Variants in NRG3 observed in about 807,000 individuals in gnomAD.
NRG3 encodes the protein pro-neuregulin-3, membrane-bound isoform.
Under a neutral mutation model 66.9 loss-of-function variants are expected in NRG3, and 31 were observed. That is an observed-to-expected ratio of 0.46 (90% CI 0.35 to 0.63). NRG3 has a LOEUF of 0.63. Ranked by LOEUF, NRG3 falls within the 20% of genes least tolerant of loss-of-function variation. NRG3 has a pLI of 0.00. For synonymous variants in NRG3, 393 were observed against 359.4 expected (o/e 1.09, Z -1.06); for missense variants, 910 against 878.9 (o/e 1.04, Z -0.45).
intron 1 of NRG3, among the ~76,000 whole-genome samples, chr10:82,305,151 C>T (rs35669553): frequency 0.02 from 3,014 of 151,672 alleles, 48 homozygotes; most frequent in Non-Finnish European, 0.032. Flanking sequence ...CCCACCACCA[C>T]GCTCGGCTAA....
At chr10:82,331,221 T>A (rs1362953065) in intron 1 of NRG3, among the ~76,000 whole-genome samples, 1 of 152,316 alleles carries the variant, frequency 6.6e-6, no homozygotes, top group African/African-American at 2.4e-5. Flanking sequence ...TGTTGTCTTT[T>A]CATCTTCTCT....
At chr10:81,922,302 C>A (rs1353268659) in intron 1 of NRG3, among the ~76,000 whole-genome samples, 2 of 152,130 alleles carry the variant, frequency 1.3e-5, no homozygotes, top group African/African-American at 4.8e-5. Context: ...AACACAAGTG[C>A]AGTTTTGTTA....
At chr10:82,289,577 G>T (rs1255129274) in intron 1 of NRG3, among the ~76,000 whole-genome samples, 22 of 152,120 alleles carry the variant, frequency 1.4e-4, no homozygotes, top group Non-Finnish European at 1.5e-5. Context: ...TGAGATAAAA[G>T]ATTTAATTTA....
chr10:81,891,637 C>T (rs1213386145), intron 1 of NRG3, among the ~76,000 whole-genome samples: 2 of 152,098 alleles, frequency 1.3e-5, no homozygotes, highest in Admixed American at 6.5e-5. Context: ...TTCTTTTCTT[C>T]TTTGCTTCTG....
intron 2 of NRG3, among the ~76,000 whole-genome samples, chr10:82,566,182 A>G (rs1006013094): frequency 2.0e-5 from 3 of 152,088 alleles, no homozygotes; most frequent in Non-Finnish European, 4.4e-5. Context: ...TAATCCCAAG[A>G]AAAGATAACA....
chr10:82,398,526 T>A (rs7095110), intron 2 of NRG3, among the ~76,000 whole-genome samples: 46,261 of 135,892 alleles, frequency 0.34, 9,563 homozygotes, highest in African/African-American at 0.59. Context: ...TGTGTGTGTG[T>A]GAGAGAGAGA....
Position 82,417,363 on chromosome 10 carries a change from A to G in NRG3, c.953+58495A>G, listed in dbSNP as rs78740991. The stretch of plus-strand genomic sequence containing the variant: ...GAGAATAGTATTCCAGGCAAAATAC[A>G]TGGATATAGATTCCAGGGGAATTAT... On this transcript the variant is annotated intron_variant, in intron 2 of 8. Coordinates refer to ENST00000372141, the MANE Select transcript of NRG3 (RefSeq NM_001010848.4). Among the ~76,000 whole-genome samples, 439 of 152,314 alleles carry G rather than the reference A, an allele frequency of 2.9e-3. 1 individual carries two copies. Among genetic ancestry groups the G allele is most frequent in the African/African-American group, 0.01 (421 of 41,574 alleles).
chr10:82,418,053 A>C (rs866840713), intron 2 of NRG3, among the ~76,000 whole-genome samples: 5 of 152,212 alleles, frequency 3.3e-5, no homozygotes, highest in Non-Finnish European at 2.9e-5. Context: ...TTGCTATCAG[A>C]ATTTGCCATT....
intron 4 of NRG3, among the ~76,000 whole-genome samples, chr10:82,918,682 C>T (rs1846117343): frequency 6.6e-6 from 1 of 152,078 alleles, no homozygotes; most frequent in Non-Finnish European, 1.5e-5. Context: ...TGAAGCCTCC[C>T]CTCCCACTTT....
At chr10:82,023,057 A>T (rs2132774537) in intron 1 of NRG3, among the ~76,000 whole-genome samples, 1 of 151,660 alleles carries the variant, frequency 6.6e-6, no homozygotes, top group African/African-American at 2.4e-5. Context: ...AACATTCCTT[A>T]TGTTCTCTTC....
intron 1 of NRG3, among the ~76,000 whole-genome samples, chr10:81,926,042 A>G (rs1846745397): frequency 1.3e-5 from 2 of 152,300 alleles, no homozygotes; most frequent in South Asian, 4.1e-4. Context: ...TGGGATGCGA[A>G]TGTAATTTTC....
intron 4 of NRG3, among the ~76,000 whole-genome samples, chr10:82,933,080 A>T (rs1847736838): frequency 6.6e-6 from 1 of 152,178 alleles, no homozygotes; most frequent in Non-Finnish European, 1.5e-5. Context: ...ATATGGAAGC[A>T]GCAAATTTTC....
chr10:82,219,356 G>C (rs528888661), intron 1 of NRG3, among the ~76,000 whole-genome samples: 14 of 149,862 alleles, frequency 9.3e-5, no homozygotes, highest in Non-Finnish European at 1.6e-4. Flanking sequence ...GTCTTCTGGG[G>C]GGCGTAGTCA....
At chr10:81,975,314 CATCT>C (rs140419592) in intron 1 of NRG3, among the ~76,000 whole-genome samples, 45,196 of 143,436 alleles carry the variant, frequency 0.32, 7,100 homozygotes, top group Non-Finnish European at 0.33. Flanking sequence ...AATTGTGTAA[CATCT>C]ATCTATCTAT....
intron 1 of NRG3, among the ~76,000 whole-genome samples, chr10:82,186,463 A>G (rs942179472): frequency 7.9e-5 from 12 of 152,300 alleles, no homozygotes; most frequent in Middle Eastern, 3.4e-3. Flanking sequence ...GGCTGTGACC[A>G]CTGAGGTCCA....
At chr10:82,909,406 A>G (rs1315595764) in intron 4 of NRG3, among the ~76,000 whole-genome samples, 1 of 152,216 alleles carries the variant, frequency 6.6e-6, no homozygotes, top group Non-Finnish European at 1.5e-5. Context: ...GATCATTGAC[A>G]TGATGCTACA....
At chr10:82,967,408 AG>A (rs1851311684) in intron 6 of NRG3, among the ~76,000 whole-genome samples, 1 of 152,166 alleles carries the variant, frequency 6.6e-6, no homozygotes, top group Admixed American at 6.6e-5. Flanking sequence ...CCACTCCAAC[AG>A]TGAAAAACCT....
At chr10:82,187,932 T>A (rs985370868) in intron 1 of NRG3, among the ~76,000 whole-genome samples, 2 of 148,422 alleles carry the variant, frequency 1.3e-5, no homozygotes, top group African/African-American at 5.0e-5. Flanking sequence ...CCTATCAAAA[T>A]ACCAATGACA....
intron 2 of NRG3, among the ~76,000 whole-genome samples, chr10:82,620,105 T>C (rs2048939416): frequency 6.6e-6 from 1 of 152,160 alleles, no homozygotes; most frequent in Admixed American, 6.5e-5. Flanking sequence ...CGATGGTGCC[T>C]AGGTGGGGGT....
Sources: allele counts gnomAD v4.1 joint callset (sites outside exome capture counted in the v4.1 genomes callset), GRCh38; gene constraint gnomAD v4.1.1; transcripts MANE v1.5; gene names NCBI Gene and HGNC (gene_info 2026-07-23, HGNC 2026-07-21).